ARL15: variants seen among roughly 807,000 people sequenced by gnomAD.
ARL15 encodes the protein ADP-ribosylation factor-like protein 15.
A neutral mutation model predicts 25.2 loss-of-function variants in ARL15; 19 were observed. The ratio of observed to expected loss-of-function variants is 0.75; its 90% confidence interval spans 0.53 to 1.10. The LOEUF (loss-of-function observed/expected upper bound fraction) is 1.10. ARL15 is among the 50% of genes least tolerant of loss of function. The probability of loss-of-function intolerance (pLI) is 0.00; values close to 1 mark genes in which losing one functional copy is unlikely to be tolerated. For synonymous variants in ARL15, 94 were observed against 86.8 expected (o/e 1.08, Z -0.46); for missense variants, 220 against 246.0 (o/e 0.89, Z 0.71).
chr5:54,120,494 T>C (rs1206581737), intron 3 of ARL15, among the ~76,000 whole-genome samples: 1 of 152,156 alleles, frequency 6.6e-6, no homozygotes, highest in Non-Finnish European at 1.5e-5. Context: ...TGTTCTGATG[T>C]CCAACAGAAT....
At chr5:54,251,086 C>A (rs777137573) in intron 1 of ARL15, among the ~76,000 whole-genome samples, 1 of 152,294 alleles carries the variant, frequency 6.6e-6, no homozygotes, top group South Asian at 2.1e-4. Flanking sequence ...GAAGGAAACA[C>A]AACACTGCTA....
chr5:54,185,400 C>G (rs534565288), intron 1 of ARL15, among the ~76,000 whole-genome samples: 2 of 152,144 alleles, frequency 1.3e-5, no homozygotes, highest in African/African-American at 2.4e-5. Context: ...CCCTGAGTAT[C>G]TTTTCTATTT....
chr5:53,949,890 A>C (rs1328774446), intron 4 of ARL15, among the ~76,000 whole-genome samples: 1 of 152,180 alleles, frequency 6.6e-6, no homozygotes, highest in African/African-American at 2.4e-5. Flanking sequence ...AAAAGCAAAA[A>C]CTTAGGACTA....
intron 1 of ARL15, among the ~76,000 whole-genome samples, chr5:54,271,115 C>T (rs1319341455): frequency 6.6e-6 from 1 of 152,220 alleles, no homozygotes; most frequent in Non-Finnish European, 1.5e-5. Flanking sequence ...AAAGTTACAA[C>T]ATTGGCTTTC....
chr5:54,254,780 G>T (rs1325718180), intron 1 of ARL15, among the ~76,000 whole-genome samples: 3 of 152,192 alleles, frequency 2.0e-5, no homozygotes, highest in African/African-American at 7.2e-5. Context: ...GGGGAGAGGG[G>T]CAGGGGATAA....
chr5:54,022,726 T>G (rs1374496169), intron 4 of ARL15, among the ~76,000 whole-genome samples: 2 of 152,210 alleles, frequency 1.3e-5, no homozygotes, highest in Non-Finnish European at 2.9e-5. Context: ...GAGTCTCATA[T>G]TGTGTGGGGC....
At chr5:54,126,783 G>A (rs1753266543) in intron 3 of ARL15, among the ~76,000 whole-genome samples, 1 of 152,092 alleles carries the variant, frequency 6.6e-6, no homozygotes, top group Non-Finnish European at 1.5e-5. Flanking sequence ...GAACTTCCCA[G>A]CCTCCAGATC....
intron 4 of ARL15, among the ~76,000 whole-genome samples, chr5:53,901,157 C>T (rs1745054638): frequency 6.6e-6 from 1 of 152,110 alleles, no homozygotes; most frequent in Non-Finnish European, 1.5e-5. Flanking sequence ...TCCTTTTTCT[C>T]CTCTCCTCCT....
chr5:54,296,174 C>T (rs756567614), intron 1 of ARL15, among the ~76,000 whole-genome samples: 22 of 152,132 alleles, frequency 1.4e-4, no homozygotes, highest in Non-Finnish European at 2.4e-4. Context: ...CTACACTATG[C>T]GTATTAGGCA....
chr5:53,895,640 G>A (rs1454676333), intron 4 of ARL15, among the ~76,000 whole-genome samples: 1 of 152,096 alleles, frequency 6.6e-6, no homozygotes, highest in Non-Finnish European at 1.5e-5. Context: ...CTGAAGCCTA[G>A]CTTTTCCTGA....
At chr5:54,078,846 T>A (rs2112101214) in intron 4 of ARL15, among the ~76,000 whole-genome samples, 1 of 152,290 alleles carries the variant, frequency 6.6e-6, no homozygotes, top group Non-Finnish European at 1.5e-5. Flanking sequence ...AAATAATCAT[T>A]AAATTTTATT....
In ARL15 at chr5:53,954,095, T is replaced by TAAA. The variant is rs11325411; in HGVS notation, c.463-67385_463-67383dup. Among the ~76,000 whole-genome samples the TAAA allele has an allele frequency of 1.4e-3, 192 of 141,238 alleles. 5 individuals carry two copies. The East Asian group carries it at 0.019, about 14-fold the overall frequency. 92.7% of individuals were successfully genotyped at this position (141,238 alleles called of 152,430 possible). On this transcript the variant is annotated intron_variant, in intron 4 of 4. Coordinates refer to ENST00000504924, the MANE Select transcript of ARL15 (RefSeq NM_019087.3). ...TACAAGCTATTTCTCATCTTCTACTTAAAAAAAAAAAAAAAAAAATCACCA... is the reference window on the plus strand; with the variant it reads ...TACAAGCTATTTCTCATCTTCTACTTAAAAAAAAAAAAAAAAAAAAAATCACCA...
In ARL15 at chr5:53,963,044, C is replaced by T. The variant is rs562231046; in HGVS notation, c.463-76331G>A. On this transcript the variant is annotated intron_variant, in intron 4 of 4. Transcript: ENST00000504924. ...ATGTGAACTGCTATTAATCTACAGCCTCTATTACCCCATTATTAACAGTAG... is the reference window on the plus strand; with the variant it reads ...ATGTGAACTGCTATTAATCTACAGCTTCTATTACCCCATTATTAACAGTAG... Among the ~76,000 whole-genome samples, 544 of 152,016 alleles carry T rather than the reference C, an allele frequency of 3.6e-3. 2 individuals carry two copies. The highest frequency in any genetic ancestry group is 0.027 in the Middle Eastern group (8 of 294).
At chr5:54,139,141 G>A (rs1023708940) in intron 3 of ARL15, among the ~76,000 whole-genome samples, 3 of 152,118 alleles carry the variant, frequency 2.0e-5, no homozygotes, top group African/African-American at 7.2e-5. Context: ...TCTACCATTC[G>A]ATCCAGCAGT....
intron 4 of ARL15, among the ~76,000 whole-genome samples, chr5:54,108,095 G>C (rs751393787): frequency 1.3e-5 from 2 of 152,052 alleles, no homozygotes; most frequent in Non-Finnish European, 2.9e-5. Flanking sequence ...CAGCTTAAAA[G>C]TTGCTCTTCA....
At chr5:54,051,814 T>TTA (rs776008166) in intron 4 of ARL15, among the ~76,000 whole-genome samples, 2 of 152,196 alleles carry the variant, frequency 1.3e-5, no homozygotes, top group Non-Finnish European at 2.9e-5. Context: ...ATTTTAAAAC[T>TTA]TACGTTCACA....
chr5:54,088,665 C>T (rs1752048683), intron 4 of ARL15, among the ~76,000 whole-genome samples: 1 of 152,078 alleles, frequency 6.6e-6, no homozygotes, highest in African/African-American at 2.4e-5. Context: ...AAACTCCTAG[C>T]AGACAGAAAG....
intron 1 of ARL15, among the ~76,000 whole-genome samples, chr5:54,300,050 T>C (rs573911331): frequency 1.3e-5 from 2 of 152,256 alleles, no homozygotes; most frequent in Admixed American, 1.3e-4. Context: ...GGGTTACAGA[T>C]CATAGTGCAT....
chr5:53,938,408 GA>G (rs1327727963), intron 4 of ARL15, among the ~76,000 whole-genome samples: 2 of 152,126 alleles, frequency 1.3e-5, no homozygotes, highest in Non-Finnish European at 2.9e-5. Flanking sequence ...AGGAATTAAC[GA>G]ATCAAATCAC....
Sources: allele counts gnomAD v4.1 joint callset (sites outside exome capture counted in the v4.1 genomes callset), GRCh38; gene constraint gnomAD v4.1.1; transcripts MANE v1.5; gene names NCBI Gene and HGNC (gene_info 2026-07-23, HGNC 2026-07-21).